Variants in CHCT1 observed in about 807,000 individuals in gnomAD.
The protein encoded by CHCT1 is CHD1 helical C-terminal domain containing protein 1.
the CHCT1 span, among the ~76,000 whole-genome samples, chr17:60,425,458 A>G: frequency 6.6e-6 from 1 of 152,158 alleles, no homozygotes; most frequent in Non-Finnish European, 1.5e-5. Context: ...AGGCATATAA[A>G]CCTGTTGGTC....
the CHCT1 span, chr17:60,422,575 A>G: frequency 6.5e-7 from 1 of 1,549,734 alleles, no homozygotes; most frequent in Non-Finnish European, 8.7e-7. Context: ...CCTGGAGCCT[A>G]CCGGCACACC....
chr17:60,421,224 G>A, the CHCT1 span: 1 of 367,736 alleles, frequency 2.7e-6, no homozygotes, highest in African/African-American at 2.2e-5. Context: ...GCGGATAAGT[G>A]GAAGGTTTAT....
At chr17:60,424,558 C>T in the CHCT1 span, among the ~76,000 whole-genome samples, 2 of 152,328 alleles carry the variant, frequency 1.3e-5, no homozygotes, top group African/African-American at 4.8e-5. Context: ...CTCTGACCCA[C>T]TTCCTTGGAG....
chr17:60,430,064 A>G, the CHCT1 span, among the ~76,000 whole-genome samples: 3 of 149,820 alleles, frequency 2.0e-5, no homozygotes, highest in African/African-American at 7.4e-5. Flanking sequence ...AGCTCACACA[A>G]TCCAGCCGCC....
the CHCT1 span, chr17:60,425,976 C>T: frequency 1.5e-6 from 2 of 1,294,486 alleles, no homozygotes; most frequent in Non-Finnish European, 2.2e-6. Flanking sequence ...ACCCACAGCG[C>T]ATTGCCCCAC....
At chr17:60,428,729 T>A in the CHCT1 span, among the ~76,000 whole-genome samples, 1 of 152,032 alleles carries the variant, frequency 6.6e-6, no homozygotes. Context: ...TCAAGTGATC[T>A]GCCCTCCTCG....
the CHCT1 span, chr17:60,426,260 C>T: frequency 5.8e-6 from 9 of 1,552,002 alleles, no homozygotes; most frequent in South Asian, 9.5e-5. Flanking sequence ...GAAGCAGAGC[C>T]TTGTGGTCCT....
the CHCT1 span, chr17:60,421,828 C>G: frequency 1.0e-6 from 1 of 982,582 alleles, no homozygotes; most frequent in Non-Finnish European, 1.2e-6. Context: ...CGCCGACACC[C>G]GGCTCCCCGC....
chr17:60,428,527 C>T, the CHCT1 span, among the ~76,000 whole-genome samples: 3 of 150,846 alleles, frequency 2.0e-5, no homozygotes, highest in Non-Finnish European at 4.4e-5. Flanking sequence ...TGCTCTTGTC[C>T]CCCAGGCTGG....
the CHCT1 span, among the ~76,000 whole-genome samples, chr17:60,429,029 A>T: frequency 1.3e-5 from 2 of 152,070 alleles, no homozygotes; most frequent in East Asian, 1.9e-4. Context: ...CAGCTAAACG[A>T]GTAAGGCTCC....
At chr17:60,423,788 C>T in the CHCT1 span, among the ~76,000 whole-genome samples, 2 of 152,202 alleles carry the variant, frequency 1.3e-5, no homozygotes, top group Non-Finnish European at 2.9e-5. Flanking sequence ...TTCTTTGCCC[C>T]ACTTTTGTGG....
chr17:60,422,379 A>C, the CHCT1 span: 1 of 1,293,388 alleles, frequency 7.7e-7, no homozygotes, highest in Non-Finnish European at 1.0e-6. Flanking sequence ...TCCAGATCCC[A>C]GCTGGAGGGG....
At chr17:60,425,731 C>T in the CHCT1 span, 1 of 1,390,802 alleles carries the variant, frequency 7.2e-7, no homozygotes, top group South Asian at 1.2e-5. Context: ...CAGCACTGCC[C>T]CCAGGAGTAA....
At chr17:60,430,842 T>C in the CHCT1 span, among the ~76,000 whole-genome samples, 2 of 152,158 alleles carry the variant, frequency 1.3e-5, no homozygotes, top group Non-Finnish European at 2.9e-5. Flanking sequence ...GGGAATTGGG[T>C]CATGAGGCCT....
chr17:60,429,295 G>T, the CHCT1 span: 7 of 1,514,740 alleles, frequency 4.6e-6, no homozygotes, highest in Non-Finnish European at 6.3e-6. Context: ...CAAATGCGGT[G>T]CTGGGACTCT....
At chr17:60,427,200 C>T in the CHCT1 span, among the ~76,000 whole-genome samples, 929 of 152,296 alleles carry the variant, frequency 6.1e-3, 3 homozygotes, top group Non-Finnish European at 0.011. Flanking sequence ...CCCAGAGTAG[C>T]AGCACAGGGG....
At chr17:60,428,904 C>T in the CHCT1 span, among the ~76,000 whole-genome samples, 1 of 148,212 alleles carries the variant, frequency 6.7e-6, no homozygotes, top group South Asian at 2.1e-4. Context: ...CAAAGGCTCC[C>T]ATTTTTTTTT....
the CHCT1 span, chr17:60,431,054 G>A: frequency 1.6e-6 from 1 of 638,892 alleles, no homozygotes; most frequent in South Asian, 2.0e-5. Flanking sequence ...AAGTGATATA[G>A]GTGGGAAGTA....
chr17:60,422,350 A>T, the CHCT1 span: 1 of 1,012,454 alleles, frequency 9.9e-7, no homozygotes, highest in Non-Finnish European at 1.4e-6. Context: ...GACCCCGCAC[A>T]TCTTGCTCCG....
Sources: gnomAD v4.1 joint callset for allele counts (sites outside exome capture counted in the v4.1 genomes callset) on GRCh38, gnomAD v4.1.1 for gene constraint, MANE v1.5 for transcripts, NCBI Gene and HGNC (gene_info 2026-07-23, HGNC 2026-07-21) for gene names.